The following PLSCR4 variants were observed in gnomAD, a reference collection of about 807,000 sequenced individuals.
PLSCR4 encodes the protein Ca(2+)-dependent phospholipid scramblase 4.
A neutral mutation model predicts 36.3 loss-of-function variants in PLSCR4; 25 were observed. The ratio of observed to expected loss-of-function variants is 0.69; its 90% confidence interval spans 0.50 to 0.96. The LOEUF (loss-of-function observed/expected upper bound fraction) is 0.96. PLSCR4 is among the 40% of genes least tolerant of loss of function. PLSCR4 has a pLI of 0.00. For missense variants in PLSCR4, 408 were observed against 414.7 expected (o/e 0.98, Z 0.14); for synonymous variants, 122 against 132.9 (o/e 0.92, Z 0.56).
chr3:146,207,554 C>G (rs73150828), intron 3 of PLSCR4, among the ~76,000 whole-genome samples: 4,447 of 151,898 alleles, frequency 0.029, 99 homozygotes, highest in Non-Finnish European at 0.039. Flanking sequence ...GAGAGAGAGA[C>G]AGAAAGACAG....
At chr3:146,225,513 C>T (rs1272416957) in intron 1 of PLSCR4, among the ~76,000 whole-genome samples, 2 of 152,130 alleles carry the variant, frequency 1.3e-5, no homozygotes, top group African/African-American at 4.8e-5. Flanking sequence ...TCGGGCCGCA[C>T]AGGAGCCCAT....
chr3:146,231,385 G>A (rs2035706376), intron 1 of PLSCR4, among the ~76,000 whole-genome samples: 1 of 152,144 alleles, frequency 6.6e-6, no homozygotes, highest in South Asian at 2.1e-4. Context: ...CCAGTGATGG[G>A]ACTTCTGGGT....
At position 146,224,646 on chromosome 3, in the gene PLSCR4, A is replaced by G. The variant is rs370166625; in HGVS notation, c.-21-2554T>C. On this transcript the variant is annotated intron_variant, in intron 1 of 8. Coordinates refer to ENST00000354952, the MANE Select transcript of PLSCR4 (RefSeq NM_020353.3). ...AGCAGCAAGATTTATTGCAAACAGC[A>G]AAAGAAAAAAAGCTTCCACAGTGTG... Among the ~76,000 whole-genome samples the G allele has an allele frequency of 5.6e-4, 85 of 152,052 alleles. 5 individuals carry two copies. In the Middle Eastern group the frequency reaches 0.01, roughly 18 times the overall value.
At chr3:146,235,306 T>C (rs1286670820) in intron 1 of PLSCR4, among the ~76,000 whole-genome samples, 1 of 152,006 alleles carries the variant, frequency 6.6e-6, no homozygotes, top group African/African-American at 2.4e-5. Flanking sequence ...TTGTGATGAG[T>C]TCTCGTGACA....
intron 1 of PLSCR4, among the ~76,000 whole-genome samples, chr3:146,236,878 G>A (rs563005071): frequency 2.4e-4 from 36 of 152,180 alleles, no homozygotes; most frequent in African/African-American, 8.2e-4. Flanking sequence ...GAAAGGCTAA[G>A]AAAGATATAC....
chr3:146,249,370 T>C (rs577338657), intron 1 of PLSCR4, among the ~76,000 whole-genome samples: 1 of 152,244 alleles, frequency 6.6e-6, no homozygotes, highest in East Asian at 1.9e-4. Context: ...CCCAAACAAA[T>C]TCCTGCTTGT....
intron 1 of PLSCR4, among the ~76,000 whole-genome samples, chr3:146,233,922 T>C (rs1444864726): frequency 6.6e-6 from 1 of 151,876 alleles, no homozygotes; most frequent in East Asian, 1.9e-4. Context: ...GAAAGTAGGC[T>C]GTTCTGCTGT....
chr3:146,247,469 G>A (rs2036383257), intron 1 of PLSCR4, among the ~76,000 whole-genome samples: 1 of 151,842 alleles, frequency 6.6e-6, no homozygotes, highest in African/African-American at 2.4e-5. Flanking sequence ...TTATTTGTTT[G>A]AAAGCAATTT....
In PLSCR4 at chr3:146,246,481, T is replaced by A. The variant is rs560466098; in HGVS notation, c.-22+4479A>T. On this transcript the variant is annotated intron_variant, in intron 1 of 8. Coordinates refer to ENST00000354952, the MANE Select transcript of PLSCR4 (RefSeq NM_020353.3). ...AAGATAAGATTAAATGAAAGCAAAT[T>A]GATAGCCACAGTCCATACATAACCT... 6.0e-4 allele frequency among the ~76,000 whole-genome samples: 92 copies of A among 152,198 alleles called. 2 individuals are homozygous for A. In the South Asian group the frequency reaches 0.019, roughly 31 times the overall value.
At chr3:146,221,044 T>G in intron 2 of PLSCR4, 119 bp from the exon 3 acceptor site, 1 of 570,888 alleles carries the variant, frequency 1.8e-6, no homozygotes. Context: ...GAAAATACAC[T>G]CCTATATTTT....
intron 1 of PLSCR4, among the ~76,000 whole-genome samples, chr3:146,246,388 A>C (rs1417328486): frequency 6.6e-6 from 1 of 152,032 alleles, no homozygotes; most frequent in African/African-American, 2.4e-5. Context: ...GTATGGTAGA[A>C]TATTTCATTC....
At position 146,195,129 on chromosome 3, in the gene PLSCR4, G is replaced by C. The variant is rs143882752; in HGVS notation, c.940C>G (p.Leu314Val). Residue 314 changes from leucine to valine, a missense_variant, in exon 8 of 9, where the codon CTC (leucine) becomes GTC (valine). Transcript: ENST00000354952. ...CTCAAAAATAGAAGGCTTACAATGAGGAAGCAAGCTCCAAAAATCATGGCT... is the reference window on the plus strand; with the variant it reads ...CTCAAAAATAGAAGGCTTACAATGACGAAGCAAGCTCCAAAAATCATGGCT... ...MKAMIFGACF[L>V]IDFMYFERSP... 22 of 1,613,498 alleles carry C rather than the reference G, an allele frequency of 1.4e-5. No individual in the cohort carries two copies. The highest frequency in any genetic ancestry group is 1.9e-5 in the Non-Finnish European group (22 of 1,179,716).
chr3:146,227,773 G>T (rs547347766), intron 1 of PLSCR4, among the ~76,000 whole-genome samples: 1 of 152,308 alleles, frequency 6.6e-6, no homozygotes, highest in African/African-American at 2.4e-5. Context: ...TGAGAGAAGA[G>T]AACAGAAAGC....
chr3:146,227,480 G>A (rs1038245544), intron 1 of PLSCR4, among the ~76,000 whole-genome samples: 23 of 152,234 alleles, frequency 1.5e-4, no homozygotes, highest in South Asian at 4.1e-4. Flanking sequence ...CCCAACAAGC[G>A]CAGCTGTGTT....
intron 3 of PLSCR4, among the ~76,000 whole-genome samples, chr3:146,216,977 TCTC>T (rs1473822775): frequency 2.0e-5 from 3 of 152,198 alleles, no homozygotes; most frequent in African/African-American, 7.2e-5. Context: ...ATCATGAAAT[TCTC>T]CTAATACTAT....
At chr3:146,236,094 A>G (rs369377383) in intron 1 of PLSCR4, among the ~76,000 whole-genome samples, 3 of 152,188 alleles carry the variant, frequency 2.0e-5, no homozygotes, top group Admixed American at 6.5e-5. Context: ...CATGTGGTAG[A>G]AAAAAAAACC....
chr3:146,194,710 C>T (rs1238513394), intron 8 of PLSCR4, among the ~76,000 whole-genome samples: 1 of 152,104 alleles, frequency 6.6e-6, no homozygotes, highest in African/African-American at 2.4e-5. Context: ...CAGGATTGGA[C>T]AACCCCAAAG....
chr3:146,223,851 T>A (rs2035298495), intron 1 of PLSCR4: 1 of 137,962 alleles, frequency 7.2e-6, no homozygotes, highest in Non-Finnish European at 1.6e-5. Context: ...TGTAAAAATG[T>A]TTTAAATATA....
intron 3 of PLSCR4, among the ~76,000 whole-genome samples, chr3:146,218,645 G>A (rs1316365534): frequency 2.0e-5 from 3 of 152,106 alleles, no homozygotes; most frequent in South Asian, 2.1e-4. Flanking sequence ...AAGCTTTGAA[G>A]TTTTCATAAG....
Sources: allele counts gnomAD v4.1 joint callset (sites outside exome capture counted in the v4.1 genomes callset), GRCh38; gene constraint gnomAD v4.1.1; transcripts MANE v1.5; gene names NCBI Gene and HGNC (gene_info 2026-07-23, HGNC 2026-07-21).